Variants in GPC5 observed in about 807,000 individuals in gnomAD.
GPC5 encodes glypican-5.
A neutral mutation model predicts 53.9 loss-of-function variants in GPC5; 47 were observed. The ratio of observed to expected loss-of-function variants is 0.87; its 90% CI spans 0.69 to 1.11. The LOEUF is 1.11. GPC5 is among the 50% of genes most tolerant of loss of function. The pLI is 0.00. For synonymous variants in GPC5, 286 were observed against 263.3 expected, an observed-to-expected ratio of 1.09 and a Z score of -0.84; for missense variants, 748 against 713.1, an observed-to-expected ratio of 1.05 and a Z score of -0.56.
intron 7 of GPC5, among the ~76,000 whole-genome samples, chr13:92,312,232 A>G (rs1472230273): frequency 6.6e-6 from 1 of 152,170 alleles, no homozygotes; most frequent in Admixed American, 6.6e-5. Context: ...CTCTTTCTAG[A>G]ACATCTCCAG....
At chr13:92,724,389 A>T (rs1270336111) in intron 7 of GPC5, among the ~76,000 whole-genome samples, 3 of 151,656 alleles carry the variant, frequency 2.0e-5, no homozygotes, top group Non-Finnish European at 4.4e-5. Flanking sequence ...TACTTTCCAT[A>T]CATGTTAGAA....
At chr13:91,436,299 T>G (rs1879947570) in intron 1 of GPC5, among the ~76,000 whole-genome samples, 1 of 152,000 alleles carries the variant, frequency 6.6e-6, no homozygotes, top group Non-Finnish European at 1.5e-5. Flanking sequence ...TTTTAGATCT[T>G]TCCTGCTTTC....
At chr13:91,671,780 C>CCAAAAA (rs2035249718) in intron 2 of GPC5, among the ~76,000 whole-genome samples, 4 of 33,120 alleles carry the variant, frequency 1.2e-4, no homozygotes, top group South Asian at 2.1e-3. Context: ...CAATCTGAAG[C>CCAAAAA]AAAAAAAAAA....
In GPC5 at chr13:91,563,978, C is replaced by T. The variant is rs190346813; in HGVS notation, c.325+115056C>T. 3.5e-3 allele frequency among the ~76,000 whole-genome samples: 534 copies of T among 152,234 alleles called. 2 individuals carry two copies. The highest frequency in any genetic ancestry group is 7.9e-3 in the Admixed American group (121 of 15,286). On this transcript the variant is annotated intron_variant, in intron 2 of 7. Transcript: ENST00000377067. Reference sequence around the variant, plus strand: ...TAACTAGAGTTGGAAGTGAGTGTTTCGCCTTGGTGTCCCACTCTTGACCCA... The same window carrying T: ...TAACTAGAGTTGGAAGTGAGTGTTTTGCCTTGGTGTCCCACTCTTGACCCA...
At chr13:91,951,652 A>T (rs915315705) in intron 6 of GPC5, among the ~76,000 whole-genome samples, 1 of 152,152 alleles carries the variant, frequency 6.6e-6, no homozygotes, top group Non-Finnish European at 1.5e-5. Flanking sequence ...TACTGGTCAC[A>T]TTTTTACAAA....
At chr13:91,697,802 G>T (rs2035911103) in intron 3 of GPC5, among the ~76,000 whole-genome samples, 1 of 151,626 alleles carries the variant, frequency 6.6e-6, no homozygotes, top group South Asian at 2.1e-4. Flanking sequence ...ATAGAGTCTG[G>T]TTTAATAACA....
intron 7 of GPC5, among the ~76,000 whole-genome samples, chr13:92,158,304 T>A (rs2041960138): frequency 6.6e-6 from 1 of 152,196 alleles, no homozygotes; most frequent in Non-Finnish European, 1.5e-5. Context: ...AGTTGTCCTA[T>A]AGAGCCGTTT....
intron 5 of GPC5, among the ~76,000 whole-genome samples, chr13:91,758,522 G>C (rs58803517): frequency 0.025 from 3,793 of 152,138 alleles, 153 homozygotes; most frequent in African/African-American, 0.086. Flanking sequence ...GGGAAATACT[G>C]TTGGAGAAAT....
intron 7 of GPC5, among the ~76,000 whole-genome samples, chr13:92,419,466 C>T (rs1876464551): frequency 1.3e-5 from 2 of 152,126 alleles, no homozygotes; most frequent in Non-Finnish European, 2.9e-5. Context: ...TGTGGTCACA[C>T]TGTAGGTGAA....
chr13:91,699,566 T>C (rs566071680), intron 3 of GPC5, among the ~76,000 whole-genome samples: 1 of 152,320 alleles, frequency 6.6e-6, no homozygotes, highest in East Asian at 1.9e-4. Context: ...TACATGGCTC[T>C]TCTGAGGAAT....
chr13:91,571,880 CATAT>C lies in GPC5; in HGVS notation c.326-121305_326-121302del, dbSNP rs1305182690. On this transcript the variant is annotated intron_variant, in intron 2 of 7. Coordinates refer to ENST00000377067, the MANE Select transcript of GPC5 (RefSeq NM_004466.6). ...ATATACGTGTGTGTATATATACACA[CATAT>C]ACGTGTGTATATACACATATTGTAT... Among the ~76,000 whole-genome samples, 32 of 101,146 alleles carry C rather than the reference CATAT, an allele frequency of 3.2e-4. 3 individuals are homozygous for C. The highest frequency in any genetic ancestry group is 8.0e-4 in the South Asian group (2 of 2,488). 66.4% of individuals were successfully genotyped at this position (101,146 alleles called of 152,430 possible).
chr13:92,122,974 A>T (rs182397755), intron 6 of GPC5, among the ~76,000 whole-genome samples: 106 of 152,214 alleles, frequency 7.0e-4, no homozygotes, highest in Admixed American at 5.4e-3. Flanking sequence ...TTCCAATCAC[A>T]TTGATCCTGC....
At chr13:91,590,147 T>C (rs2032744174) in intron 2 of GPC5, among the ~76,000 whole-genome samples, 1 of 151,754 alleles carries the variant, frequency 6.6e-6, no homozygotes, top group African/African-American at 2.4e-5. Context: ...TAAGAAAAAG[T>C]TCTTTATTTT....
At chr13:91,737,303 C>G (rs2036837043) in intron 4 of GPC5, among the ~76,000 whole-genome samples, 1 of 151,400 alleles carries the variant, frequency 6.6e-6, no homozygotes, top group African/African-American at 2.5e-5. Context: ...TGCAAGAGTT[C>G]AGTTCAAAAC....
chr13:91,585,030 T>C (rs1488499041), intron 2 of GPC5, among the ~76,000 whole-genome samples: 2 of 152,198 alleles, frequency 1.3e-5, no homozygotes, highest in Admixed American at 1.3e-4. Context: ...ATTTTTGAAA[T>C]GGCAAGTTCT....
chr13:92,015,142 C>T (rs1042609504), intron 6 of GPC5, among the ~76,000 whole-genome samples: 5 of 152,070 alleles, frequency 3.3e-5, no homozygotes, highest in Admixed American at 6.5e-5. Context: ...GTTGTTTCCT[C>T]GGGGAAAGGG....
chr13:92,353,882 GAATT>G (rs1420586562), intron 7 of GPC5, among the ~76,000 whole-genome samples: 1 of 152,082 alleles, frequency 6.6e-6, no homozygotes, highest in East Asian at 1.9e-4. Context: ...TATAGAACAT[GAATT>G]AATTAATAAA....
At chr13:92,121,440 G>A (rs1041536531) in intron 6 of GPC5, among the ~76,000 whole-genome samples, 4 of 152,188 alleles carry the variant, frequency 2.6e-5, no homozygotes, top group Admixed American at 6.5e-5. Context: ...GTCTCACCGA[G>A]CCTCTTCTGG....
chr13:91,980,978 A>T (rs931361066), intron 6 of GPC5, among the ~76,000 whole-genome samples: 8 of 152,226 alleles, frequency 5.3e-5, no homozygotes, highest in African/African-American at 1.9e-4. Flanking sequence ...AGACTATACC[A>T]ACATTTTTAG....
Sources: allele counts gnomAD v4.1 joint callset (sites outside exome capture counted in the v4.1 genomes callset), GRCh38; gene constraint gnomAD v4.1.1; transcripts MANE v1.5; gene names NCBI Gene and HGNC (gene_info 2026-07-23, HGNC 2026-07-21).